Variants in VPS35L observed in about 807,000 individuals in gnomAD.
VPS35L encodes the protein VPS35 endosomal protein sorting factor like, also known as VPS35 endosomal protein-sorting factor-like.
Under a neutral mutation model 133.0 loss-of-function variants are expected in VPS35L, and 83 were observed. That is an observed-to-expected ratio of 0.62 (90% CI 0.52 to 0.75). The LOEUF is 0.75. Ranked by LOEUF, VPS35L falls within the 30% of genes least tolerant of loss-of-function variation. VPS35L has a pLI of 0.00. For synonymous variants in VPS35L, 423 were observed against 449.9 expected (o/e 0.94, Z 0.76); for missense variants, 1,083 against 1,206.8 (o/e 0.90, Z 1.52).
chr16:19,635,551 T>C (rs966962043), intron 19 of VPS35L, among the ~76,000 whole-genome samples: 2 of 152,140 alleles, frequency 1.3e-5, no homozygotes, highest in Non-Finnish European at 2.9e-5. Context: ...AAAAGACTAA[T>C]TGAGACAATC....
At chr16:19,590,407 C>T (rs1036465886) in intron 7 of VPS35L, among the ~76,000 whole-genome samples, 1 of 152,002 alleles carries the variant, frequency 6.6e-6, no homozygotes, top group Non-Finnish European at 1.5e-5. Flanking sequence ...TTTTAAATGA[C>T]ATTTTTCTTT....
intron 28 of VPS35L, among the ~76,000 whole-genome samples, chr16:19,689,497 C>A (rs1387736612): frequency 6.6e-6 from 1 of 152,052 alleles, no homozygotes; most frequent in East Asian, 1.9e-4. Context: ...GTCTCAAACT[C>A]CTGACCTCAA....
At chr16:19,667,269 G>T (rs1439182140) in intron 26 of VPS35L, among the ~76,000 whole-genome samples, 2 of 152,034 alleles carry the variant, frequency 1.3e-5, no homozygotes, top group African/African-American at 4.8e-5. Context: ...GTTGGGCCAT[G>T]TCTTACTAGT....
chr16:19,697,540 C>G (rs974748318), intron 29 of VPS35L, among the ~76,000 whole-genome samples: 15 of 151,798 alleles, frequency 9.9e-5, no homozygotes, highest in Admixed American at 2.6e-4. Context: ...TAAATTCTCA[C>G]TTGGGAAAGG....
intron 29 of VPS35L, among the ~76,000 whole-genome samples, chr16:19,692,862 C>T (rs1975745988): frequency 6.6e-6 from 1 of 152,240 alleles, no homozygotes; most frequent in Non-Finnish European, 1.5e-5. Context: ...TGCGCCCGGC[C>T]AATATATACC....
intron 27 of VPS35L, among the ~76,000 whole-genome samples, chr16:19,677,351 G>A (rs1000013531): frequency 1.3e-5 from 2 of 152,128 alleles, no homozygotes; most frequent in Admixed American, 1.3e-4. Context: ...CCAGAGTGCT[G>A]GAATTACAGG....
chr16:19,626,266 G>A lies in VPS35L; in HGVS notation c.1271+43G>A, dbSNP rs200314193. The A allele has an allele frequency of 8.3e-6, 12 of 1,446,556 alleles. No individual in the cohort carries two copies. The East Asian group carries it at 9.1e-5, about 11-fold the overall frequency. The allele number at this position is 1,446,556 out of a possible 1,614,324, so 89.6% of individuals were successfully genotyped here. A position where few individuals can be genotyped will look rare whatever the true frequency, so the allele number is the denominator to read the frequency against. Reference sequence around the variant, plus strand: ...CATAAAGCATGAGTTTGAAAATGGCGTTGGCTGCTATTTTTGAGCTTGGCC... The same window carrying A: ...CATAAAGCATGAGTTTGAAAATGGCATTGGCTGCTATTTTTGAGCTTGGCC... On this transcript the variant is annotated intron_variant, in intron 15 of 30. Coordinates refer to ENST00000417362, the MANE Select transcript of VPS35L (RefSeq NM_020314.7).
chr16:19,575,185 CA>C, intron 5 of VPS35L, 63 bp downstream of exon 5: 1 of 1,507,350 alleles, frequency 6.6e-7, no homozygotes, highest in Non-Finnish European at 9.1e-7. Context: ...TATAATTTTA[CA>C]AAGGAAAAAA....
In VPS35L at chr16:19,576,581, A is replaced by C. The variant is rs78233809; in HGVS notation, c.433+1459A>C. On this transcript the variant is annotated intron_variant, in intron 5 of 30. Coordinates refer to ENST00000417362, the MANE Select transcript of VPS35L (RefSeq NM_020314.7). ...TGATGCTCCAAGGGGATTCTGGAGC[A>C]ACTGACGGATCATGTGCTGCTGGGT... 2.4e-3 allele frequency among the ~76,000 whole-genome samples: 361 copies of C among 152,312 alleles called. 10 individuals carry two copies. The East Asian group carries it at 0.061, about 26-fold the overall frequency.
intron 29 of VPS35L, among the ~76,000 whole-genome samples, chr16:19,693,578 C>T (rs1418510991): frequency 6.6e-6 from 1 of 152,132 alleles, no homozygotes; most frequent in Non-Finnish European, 1.5e-5. Flanking sequence ...GCCAGGAGTT[C>T]GAGACCAGCC....
intron 1 of VPS35L, 51 bp downstream of exon 1, chr16:19,555,797 G>T: frequency 6.5e-7 from 1 of 1,533,122 alleles, no homozygotes; most frequent in Admixed American, 2.1e-5. Context: ...CCTTACTTGT[G>T]ATGGGGTCGG....
intron 14 of VPS35L, among the ~76,000 whole-genome samples, chr16:19,625,106 G>C (rs935136340): frequency 3.9e-5 from 6 of 152,092 alleles, no homozygotes; most frequent in Non-Finnish European, 8.8e-5. Flanking sequence ...TTTGGCGGAG[G>C]CGGGGAAAAT....
chr16:19,619,403 A>T (rs572551514), intron 14 of VPS35L, among the ~76,000 whole-genome samples: 1 of 152,224 alleles, frequency 6.6e-6, no homozygotes, highest in Non-Finnish European at 1.5e-5. Context: ...AGATTGTTTG[A>T]AGTTTTGCTG....
At chr16:19,650,246 T>C in intron 24 of VPS35L, 136 bp from the exon 25 acceptor site, 1 of 712,640 alleles carries the variant, frequency 1.4e-6, no homozygotes, top group Non-Finnish European at 2.5e-6. Context: ...TTTCAAGGTT[T>C]AGTGCTAACC....
At position 19,587,914 on chromosome 16, in the gene VPS35L, C is replaced by G. The variant is rs1406792689; in HGVS notation, c.640-3876C>G. 7.3e-5 allele frequency among the ~76,000 whole-genome samples: 11 copies of G among 150,592 alleles called. No homozygotes were observed. In the East Asian group the frequency reaches 2.0e-3, roughly 28 times the overall value. ...TCTCAGGTTCAAGCGATTTTCATAC[C>G]TCAGCCTCCCCAGTAGCTGGGATTA... is the stretch of plus-strand genomic sequence containing the variant. On this transcript the variant is annotated intron_variant, in intron 7 of 30. Coordinates refer to ENST00000417362, the MANE Select transcript of VPS35L (RefSeq NM_020314.7).
chr16:19,628,224 T>C (rs565356996), intron 16 of VPS35L, among the ~76,000 whole-genome samples: 11 of 151,900 alleles, frequency 7.2e-5, no homozygotes, highest in Non-Finnish European at 1.5e-4. Context: ...CTTAGCTGGG[T>C]GTGGTGGTGC....
chr16:19,699,020 A>G lies in VPS35L; in HGVS notation c.2647-482A>G, dbSNP rs1341117319. Among the ~76,000 whole-genome samples, 1 of 152,190 alleles carries G rather than the reference A, an allele frequency of 6.6e-6. No individual in the cohort carries two copies. The highest frequency in any genetic ancestry group is 6.5e-5 in the Admixed American group (1 of 15,280). On this transcript the variant is annotated intron_variant, in intron 29 of 30. Transcript: ENST00000417362. This position sits in a 1 kb window ranked among gnomAD's most constrained non-coding sequence, Gnocchi z 4.2. ...GTGTAAAGGCTGGATATGGGCACCA[A>G]GGATTGGGGAGCTCAGTTCGGGAGA...
chr16:19,683,548 G>A lies in VPS35L; in HGVS notation c.2527+1158G>A, dbSNP rs891223570. The stretch of plus-strand genomic sequence containing the variant: ...GCCCACTTACAAGTGAGAACATGGC[G>A]GTAGTTAGTTTTCTGTTTCTGCACT... On this transcript the variant is annotated intron_variant, in intron 28 of 30. Coordinates refer to ENST00000417362, the MANE Select transcript of VPS35L (RefSeq NM_020314.7). Among the ~76,000 whole-genome samples the A allele has an allele frequency of 5.9e-5, 9 of 152,272 alleles. No individual in the cohort carries two copies. The Middle Eastern group carries it at 0.01, about 173-fold the overall frequency.
intron 14 of VPS35L, among the ~76,000 whole-genome samples, chr16:19,622,282 C>T (rs1356088093): frequency 1.3e-5 from 2 of 151,484 alleles, no homozygotes; most frequent in Non-Finnish European, 2.9e-5. Context: ...GTAACTGGGA[C>T]TACAGCCACG....
Sources: gnomAD v4.1 joint callset for allele counts (sites outside exome capture counted in the v4.1 genomes callset) on GRCh38, gnomAD v4.1.1 for gene constraint, Gnocchi (gnomAD v3.1) non-coding constraint, MANE v1.5 for transcripts, NCBI Gene and HGNC (gene_info 2026-07-23, HGNC 2026-07-21) for gene names.